Variants in PTPRO observed in about 807,000 individuals in gnomAD.
The protein encoded by PTPRO is receptor-type tyrosine-protein phosphatase O.
PTPRO carries 62 observed loss-of-function variants against 145.2 expected under a neutral mutation model. The ratio of observed to expected loss-of-function variants is 0.43; its 90% CI spans 0.35 to 0.53. The LOEUF (loss-of-function observed/expected upper bound fraction) is 0.53. Ranked by LOEUF, PTPRO falls within the 20% of genes least tolerant of loss-of-function variation. PTPRO has a pLI of 0.01. For synonymous variants in PTPRO, 565 were observed against 514.7 expected (o/e 1.10, Z -1.32); for missense variants, 1,345 against 1,482.7 (o/e 0.91, Z 1.53).
chr12:15,589,033 T>G (rs1944488956), intron 24 of PTPRO, among the ~76,000 whole-genome samples: 1 of 152,154 alleles, frequency 6.6e-6, no homozygotes, highest in African/African-American at 2.4e-5. Flanking sequence ...TCCACAAGGG[T>G]ACTATTTGTA....
intron 1 of PTPRO, among the ~76,000 whole-genome samples, chr12:15,411,681 G>T (rs1203340636): frequency 6.6e-6 from 1 of 152,252 alleles, no homozygotes; most frequent in Non-Finnish European, 1.5e-5. Flanking sequence ...TGATATTTAA[G>T]ATGGAGAGTC....
At chr12:15,384,232 T>C (rs1938952743) in intron 1 of PTPRO, among the ~76,000 whole-genome samples, 1 of 152,188 alleles carries the variant, frequency 6.6e-6, no homozygotes, top group Admixed American at 6.5e-5. Context: ...ATTTTATTTT[T>C]GATTTACAAT....
chr12:15,410,771 GA>G (rs1939776525), intron 1 of PTPRO: 1 of 152,214 alleles, frequency 6.6e-6, no homozygotes, highest in Non-Finnish European at 1.5e-5. Flanking sequence ...AGCTTAGGAT[GA>G]GGAAACCACA....
chr12:15,399,870 G>A (rs576532116), intron 1 of PTPRO, among the ~76,000 whole-genome samples: 1 of 151,346 alleles, frequency 6.6e-6, no homozygotes, highest in Non-Finnish European at 1.5e-5. Flanking sequence ...GGCCAACATG[G>A]TGAAACCTCA....
chr12:15,526,620 T>C (rs1942844868), intron 12 of PTPRO, among the ~76,000 whole-genome samples: 1 of 150,770 alleles, frequency 6.6e-6, no homozygotes, highest in South Asian at 2.1e-4. Flanking sequence ...CTCTCTTTAA[T>C]ATCTTAAATA....
chr12:15,350,471 ATCAG>A (rs1191066542), intron 1 of PTPRO, among the ~76,000 whole-genome samples: 1 of 151,954 alleles, frequency 6.6e-6, no homozygotes, highest in East Asian at 1.9e-4. Context: ...CTGCATATCA[ATCAG>A]TCAATTAGCA....
intron 1 of PTPRO, among the ~76,000 whole-genome samples, chr12:15,358,289 C>G (rs989032164): frequency 6.7e-6 from 1 of 148,938 alleles, no homozygotes; most frequent in Non-Finnish European, 1.5e-5. Context: ...TGCTAAATGA[C>G]GAGTTAATGG....
chr12:15,570,241 C>T (rs71459185), intron 19 of PTPRO, among the ~76,000 whole-genome samples: 3,749 of 151,812 alleles, frequency 0.025, 84 homozygotes, highest in Middle Eastern at 0.038. Flanking sequence ...GCCCCCCATC[C>T]TTCAGGTTTC....
At chr12:15,585,139 C>A (rs534549963) in intron 23 of PTPRO, among the ~76,000 whole-genome samples, 6 of 152,174 alleles carry the variant, frequency 3.9e-5, no homozygotes, top group Non-Finnish European at 7.3e-5. Context: ...CACTTTTTAA[C>A]TGAATACATT....
intron 1 of PTPRO, among the ~76,000 whole-genome samples, chr12:15,437,032 G>A (rs1011737947): frequency 6.6e-6 from 1 of 151,866 alleles, no homozygotes; most frequent in African/African-American, 2.4e-5. Context: ...CCATTCCTAG[G>A]CAGAAATCTG....
intron 1 of PTPRO, among the ~76,000 whole-genome samples, chr12:15,360,899 C>CACACATATATACACACATGTATAT (rs1565585761): frequency 2.9e-5 from 3 of 103,438 alleles, no homozygotes; most frequent in Non-Finnish European, 4.2e-5. Flanking sequence ...TGTGTATATA[C>CACACATATATACACACATGTATAT]ACACACATAT....
chr12:15,382,190 A>C (rs933729558), intron 1 of PTPRO, among the ~76,000 whole-genome samples: 1 of 148,504 alleles, frequency 6.7e-6, no homozygotes, highest in African/African-American at 2.5e-5. Context: ...ATATTTATAT[A>C]TATGGGATTG....
chr12:15,448,143 A>G (rs1033934925), intron 1 of PTPRO, among the ~76,000 whole-genome samples: 10 of 151,998 alleles, frequency 6.6e-5, no homozygotes, highest in African/African-American at 2.2e-4. Flanking sequence ...TCTTTAGCCT[A>G]TAAGATATCA....
rs79782388 is a variant in PTPRO at position 15,530,536 on chromosome 12, C to T, written c.2164+4274C>T. Among the ~76,000 whole-genome samples the T allele has an allele frequency of 8.3e-3, 1,263 of 152,182 alleles. 18 individuals carry two copies. The highest frequency in any genetic ancestry group is 0.029 in the African/African-American group (1,207 of 41,546). ...TATCATATCAAGTATCTTTTCTGAC[C>T]ACAATGGAATAAGACTAGAAAGTGG... On this transcript the variant is annotated intron_variant, in intron 12 of 26. Transcript: ENST00000281171.
At chr12:15,437,598 C>T (rs1940633647) in intron 1 of PTPRO, among the ~76,000 whole-genome samples, 1 of 152,062 alleles carries the variant, frequency 6.6e-6, no homozygotes, top group Non-Finnish European at 1.5e-5. Context: ...ATTTAGAATA[C>T]CTGCTTGCCT....
chr12:15,397,949 C>T (rs1404985004), intron 1 of PTPRO, among the ~76,000 whole-genome samples: 2 of 152,120 alleles, frequency 1.3e-5, no homozygotes, highest in African/African-American at 4.8e-5. Flanking sequence ...CTACAAACCA[C>T]CCCAGTTTGT....
chr12:15,422,673 G>T (rs1481742482), intron 1 of PTPRO, among the ~76,000 whole-genome samples: 1 of 152,188 alleles, frequency 6.6e-6, no homozygotes, highest in Non-Finnish European at 1.5e-5. Flanking sequence ...AGAAACGTGA[G>T]CCCAGGTTTT....
chr12:15,505,898 G>T (rs1214058348), intron 6 of PTPRO, among the ~76,000 whole-genome samples: 4 of 152,168 alleles, frequency 2.6e-5, no homozygotes, highest in Admixed American at 2.6e-4. Flanking sequence ...TCCCAGAGAT[G>T]AGAATTCAGG....
chr12:15,472,040 T>C (rs1296712134), intron 1 of PTPRO, among the ~76,000 whole-genome samples: 1 of 152,238 alleles, frequency 6.6e-6, no homozygotes, highest in Admixed American at 6.5e-5. Flanking sequence ...CCATAAGTGC[T>C]ATGTAAGCAC....
Sources: allele counts gnomAD v4.1 joint callset (sites outside exome capture counted in the v4.1 genomes callset), GRCh38; gene constraint gnomAD v4.1.1; transcripts MANE v1.5; gene names NCBI Gene and HGNC (gene_info 2026-07-23, HGNC 2026-07-21).